Variants in ZNF627 observed in about 807,000 individuals in gnomAD.
The protein encoded by ZNF627 is zinc finger protein 627.
A neutral mutation model predicts 10.6 loss-of-function variants in ZNF627; 12 were observed. The observed-to-expected ratio is 1.13, with a 90% confidence interval of 0.73 to 1.84. ZNF627 has a LOEUF of 1.84. ZNF627 is among the 40% of genes most tolerant of loss of function. The pLI, the probability that ZNF627 is intolerant of heterozygous loss-of-function variation, is 0.00. For synonymous variants in ZNF627, 176 were observed against 187.1 expected (o/e 0.94, Z 0.48); for missense variants, 504 against 568.4 (o/e 0.89, Z 1.15).
At chr19:11,602,698 G>T (rs1452645578) in intron 1 of ZNF627, among the ~76,000 whole-genome samples, 1 of 152,178 alleles carries the variant, frequency 6.6e-6, no homozygotes, top group Non-Finnish European at 1.5e-5. Flanking sequence ...TGCTTAATTG[G>T]TGTTGGAGAA....
chr19:11,609,507 A>G (rs1413462865), intron 1 of ZNF627, among the ~76,000 whole-genome samples: 9 of 66,414 alleles, frequency 1.4e-4, no homozygotes, highest in East Asian at 4.6e-4. Context: ...ATATATATAT[A>G]TATATATATA....
At chr19:11,607,229 C>G (rs1045145072) in intron 1 of ZNF627, among the ~76,000 whole-genome samples, 3 of 152,106 alleles carry the variant, frequency 2.0e-5, no homozygotes, top group African/African-American at 7.2e-5. Context: ...CTCCACCTCC[C>G]AGGATCAAGC....
At chr19:11,610,233 A>G (rs1383390769) in intron 1 of ZNF627, among the ~76,000 whole-genome samples, 2 of 151,938 alleles carry the variant, frequency 1.3e-5, no homozygotes, top group Non-Finnish European at 2.9e-5. Context: ...TTTCCTGGAC[A>G]TGAAGGGGGC....
At chr19:11,615,520 C>T (rs1365746720) in intron 3 of ZNF627, among the ~76,000 whole-genome samples, 4 of 146,774 alleles carry the variant, frequency 2.7e-5, no homozygotes, top group Non-Finnish European at 4.5e-5. Flanking sequence ...AGGAGAACGG[C>T]GTGAATTGGG....
Position 11,617,400 on chromosome 19 carries a change from G to A in ZNF627, c.897G>A (p.Arg299=), listed in dbSNP as rs1424390537. The part of the protein sequence containing the change: ...RCASSVRSHE[R]THTGEKLFEC... ...CCAGTTCTGTTCGAAGTCACGAGAG[G>A]ACTCACACCGGAGAGAAACTTTTTG... Residue 299 remains arginine (R), a synonymous_variant, in exon 4 of 4, where the codon AGG becomes AGA. Coordinates refer to ENST00000361113, the MANE Select transcript of ZNF627 (RefSeq NM_145295.4). 6.2e-7 allele frequency: 1 copy of A among 1,613,890 alleles called. No homozygotes were observed. The highest frequency in any genetic ancestry group is 8.5e-7 in the Non-Finnish European group (1 of 1,180,014).
Position 11,617,697 on chromosome 19 carries a change from A to G in ZNF627, c.1194A>G (p.Lys398=). The change falls in exon 4 of 4, where the codon AAA becomes AAG. Residue 398 remains lysine, a synonymous_variant. Transcript: ENST00000361113. ...CCTATAAATGTACAAAATGTGGGAA[A>G]GCCTTCAGTCGTTCCAGTTACTTCC... The part of the protein sequence containing the change: ...EKPYKCTKCG[K]AFSRSSYFRI... The G allele has an allele frequency of 6.2e-7, 1 of 1,613,018 alleles. No individual in the cohort carries two copies. Among genetic ancestry groups the G allele is most frequent in the Non-Finnish European group, 8.5e-7 (1 of 1,179,670 alleles).
chr19:11,616,346 A>G (rs1375311935), intron 3 of ZNF627, among the ~76,000 whole-genome samples: 2 of 152,168 alleles, frequency 1.3e-5, no homozygotes, highest in East Asian at 1.9e-4. Context: ...GCGTCTGGCC[A>G]TGAATATCAT....
At chr19:11,610,792 A>G (rs2145133560) in intron 1 of ZNF627, among the ~76,000 whole-genome samples, 1 of 152,234 alleles carries the variant, frequency 6.6e-6, no homozygotes, top group East Asian at 1.9e-4. Context: ...CATAGATGGG[A>G]TGCTTCTTGA....
rs556411029 is a variant in ZNF627, at chr19:11,617,889, A to AGC, written c.*1_*2dup. The AGC allele has an allele frequency of 1.2e-5, 19 of 1,529,012 alleles. No individual in the cohort carries two copies. In the African/African-American group the frequency reaches 2.6e-4, roughly 21 times the overall value. 94.7% of individuals were successfully genotyped at this position (1,529,012 alleles called of 1,614,324 possible). A position where few individuals can be genotyped will look rare whatever the true frequency, so the allele number is the denominator to read the frequency against. On this transcript the variant is annotated 3_prime_UTR_variant, in exon 4 of 4. Transcript: ENST00000361113. ...CTTCAGTTGTCCCAGTTCTTTCATG[A>AGC]GCATGAAAGGAGTCACATAGAGAAA...
chr19:11,617,488 C>A lies in ZNF627; in HGVS notation c.985C>A (p.His329Asn). 6.2e-7 allele frequency: 1 copy of A among 1,613,856 alleles called. No individual in the cohort carries two copies. The highest frequency in any genetic ancestry group is 8.5e-7 in the Non-Finnish European group (1 of 1,180,010). Residue 329 changes from histidine (H) to asparagine (N), a missense_variant, in exon 4 of 4, where the codon CAC becomes AAC. Coordinates refer to ENST00000361113, the MANE Select transcript of ZNF627 (RefSeq NM_145295.4). ...AAGTGTTAGAAGACACATGATAAAG[C>A]ACACTGGCAATGGACCTTATAAATG... ...LASVRRHMIK[H>N]TGNGPYKCKV... is the part of the protein sequence containing the mutation.
intron 1 of ZNF627, among the ~76,000 whole-genome samples, chr19:11,598,359 C>T (rs1056076499): frequency 2.6e-5 from 4 of 152,056 alleles, no homozygotes; most frequent in Admixed American, 1.3e-4. Context: ...ATAGCGAGAC[C>T]CCATCTCTGT....
In ZNF627 at chr19:11,617,239, A is replaced by G; in HGVS notation, c.736A>G (p.Thr246Ala). 3.1e-6 allele frequency: 5 copies of G among 1,613,910 alleles called. No homozygotes were observed. Among genetic ancestry groups the G allele is most frequent in the South Asian group, 1.1e-5 (1 of 91,078 alleles). The part of the protein sequence containing the change: ...SYIRIHERTH[T>A]GDKPYECKQC... ...CATTAGAATACATGAAAGGACTCAC[A>G]CTGGAGATAAACCCTATGAATGCAA... Residue 246 changes from threonine (T) to alanine (A), a missense_variant, in exon 4 of 4, where the codon ACT becomes GCT. Thr to Ala is a moderately conservative substitution (Grantham distance 58). Coordinates refer to ENST00000361113, the MANE Select transcript of ZNF627 (RefSeq NM_145295.4).
At chr19:11,616,576 A>T in intron 3 of ZNF627, 119 bp from the exon 4 acceptor site, 1 of 704,842 alleles carries the variant, frequency 1.4e-6, no homozygotes, top group Non-Finnish European at 2.2e-6. Flanking sequence ...CCTGGGCAAC[A>T]TAGTAAGATT....
intron 1 of ZNF627, among the ~76,000 whole-genome samples, chr19:11,601,697 C>A (rs1973587857): frequency 6.6e-6 from 1 of 151,846 alleles, no homozygotes; most frequent in Non-Finnish European, 1.5e-5. Flanking sequence ...GGGGAGAAGG[C>A]ACCAAGTATA....
At chr19:11,608,678 A>G (rs1035669967) in intron 1 of ZNF627, among the ~76,000 whole-genome samples, 2 of 151,838 alleles carry the variant, frequency 1.3e-5, no homozygotes, top group Non-Finnish European at 2.9e-5. Flanking sequence ...TTGCCCATTT[A>G]TTATTTATTT....
rs1973912449 is a variant in ZNF627 at position 11,618,148 on chromosome 19, A to G, written c.*259A>G. On this transcript the variant is annotated 3_prime_UTR_variant, in exon 4 of 4. Transcript: ENST00000361113. ...AATCCATTCCATTTGTGATTCCATG[A>G]TACAATTCACCAGTAACCTATCTTA... 4 of 408,776 alleles carry G rather than the reference A, an allele frequency of 9.8e-6. No homozygotes were observed. The South Asian group carries it at 2.0e-4, about 21-fold the overall frequency. 25.3% of individuals were successfully genotyped at this position (408,776 alleles called of 1,614,324 possible). A position where few individuals can be genotyped will look rare whatever the true frequency, so the allele number is the denominator to read the frequency against.
At chr19:11,602,087 A>G (rs189352076) in intron 1 of ZNF627, among the ~76,000 whole-genome samples, 1 of 151,842 alleles carries the variant, frequency 6.6e-6, no homozygotes, top group African/African-American at 2.4e-5. Context: ...GGGAGGAGCA[A>G]ATGATGAGAA....
intron 1 of ZNF627, among the ~76,000 whole-genome samples, chr19:11,608,940 C>T (rs777782641): frequency 5.9e-5 from 9 of 152,094 alleles, no homozygotes; most frequent in Middle Eastern, 3.2e-3. Context: ...GGTGCCATCT[C>T]GGCTCACTGC....
intron 1 of ZNF627, among the ~76,000 whole-genome samples, chr19:11,603,421 A>G (rs991835590): frequency 1.3e-5 from 2 of 150,936 alleles, no homozygotes; most frequent in South Asian, 2.1e-4. Context: ...AGCTAGGACT[A>G]CAGGTGCACA....
Sources: allele counts gnomAD v4.1 joint callset (sites outside exome capture counted in the v4.1 genomes callset), GRCh38; gene constraint gnomAD v4.1.1; transcripts MANE v1.5; gene names NCBI Gene and HGNC (gene_info 2026-07-23, HGNC 2026-07-21).